Variants in CHLSN observed in about 807,000 individuals in gnomAD.
CHLSN encodes protein cholesin.
chr7:997,553 CG>C, the CHLSN span: 1 of 1,324,110 alleles, frequency 7.6e-7, no homozygotes, highest in South Asian at 1.7e-5. Flanking sequence ...CCCCCACCGC[CG>C]GAGGAGCTGC....
At chr7:1,054,226 G>A in the CHLSN span, among the ~76,000 whole-genome samples, 32 of 152,322 alleles carry the variant, frequency 2.1e-4, no homozygotes, top group African/African-American at 7.2e-4. Flanking sequence ...CACGCAAAGC[G>A]CGTCACCTTC....
At chr7:1,016,181 A>G in the CHLSN span, among the ~76,000 whole-genome samples, 1,602 of 52,062 alleles carry the variant, frequency 0.031, 226 homozygotes, top group African/African-American at 0.13. Flanking sequence ...ACACAGCAGC[A>G]CACGCCAGCA....
At chr7:1,123,851 A>G in the CHLSN span, among the ~76,000 whole-genome samples, 2 of 148,740 alleles carry the variant, frequency 1.3e-5, no homozygotes, top group African/African-American at 2.5e-5. This position sits in a 1 kb window ranked among gnomAD's most constrained non-coding sequence, Gnocchi z 4.4. Flanking sequence ...CGTGCTGCCG[A>G]CCCCTGCTGG....
the CHLSN span, among the ~76,000 whole-genome samples, chr7:1,007,576 G>A: frequency 2.0e-4 from 31 of 152,346 alleles, no homozygotes; most frequent in African/African-American, 6.5e-4. Flanking sequence ...AGACCCCCAG[G>A]AAAGAGGAGA....
chr7:1,031,057 C>T, the CHLSN span, among the ~76,000 whole-genome samples: 14 of 152,302 alleles, frequency 9.2e-5, no homozygotes, highest in Admixed American at 2.0e-4. Context: ...GGCCAGTGGT[C>T]CACACTGAGA....
chr7:1,060,812 G>T, the CHLSN span, among the ~76,000 whole-genome samples: 1 of 152,190 alleles, frequency 6.6e-6, no homozygotes, highest in South Asian at 2.1e-4. Context: ...TGGTGTAAGG[G>T]CCGCGTCTCT....
At chr7:1,088,578 T>C in the CHLSN span, among the ~76,000 whole-genome samples, 2 of 152,126 alleles carry the variant, frequency 1.3e-5, no homozygotes, top group East Asian at 3.9e-4. This position sits in a 1 kb window ranked among gnomAD's most constrained non-coding sequence, Gnocchi z 4.5. Flanking sequence ...CAGGACCCAG[T>C]ATTCCGTCAC....
chr7:1,054,471 C>G, the CHLSN span, among the ~76,000 whole-genome samples: 1 of 152,242 alleles, frequency 6.6e-6, no homozygotes, highest in African/African-American at 2.4e-5. Context: ...GCTGGGGTGA[C>G]AGCACGCACT....
the CHLSN span, chr7:1,044,682 G>A: frequency 6.6e-6 from 1 of 152,104 alleles, no homozygotes; most frequent in South Asian, 2.1e-4. Flanking sequence ...GGGAGCCTGG[G>A]TCGGGTCGGT....
At chr7:1,064,990 C>T in the CHLSN span, among the ~76,000 whole-genome samples, 1 of 152,264 alleles carries the variant, frequency 6.6e-6, no homozygotes, top group African/African-American at 2.4e-5. Flanking sequence ...ACAGCGTTCC[C>T]CGCTGTCCAA....
At chr7:1,114,596 G>T in the CHLSN span, among the ~76,000 whole-genome samples, 2 of 152,246 alleles carry the variant, frequency 1.3e-5, no homozygotes, top group Non-Finnish European at 2.9e-5. Context: ...CGTGATGGGC[G>T]CGGGGCCCAA....
chr7:1,063,878 C>T, the CHLSN span, among the ~76,000 whole-genome samples: 1 of 152,170 alleles, frequency 6.6e-6, no homozygotes, highest in African/African-American at 2.4e-5. Context: ...TGTTCTCTTT[C>T]CACAGAAGGG....
At chr7:1,066,256 C>T in the CHLSN span, among the ~76,000 whole-genome samples, 1 of 145,366 alleles carries the variant, frequency 6.9e-6, no homozygotes, top group Non-Finnish European at 1.6e-5. Context: ...GGAAAAATAC[C>T]GACAAACGCA....
At chr7:1,091,509 TGCAC>T in the CHLSN span, 1 of 528,010 alleles carries the variant, frequency 1.9e-6, no homozygotes, top group Non-Finnish European at 3.3e-6. Flanking sequence ...CCTCCACGGA[TGCAC>T]CATGCCGGTG....
chr7:1,060,980 C>T, the CHLSN span, among the ~76,000 whole-genome samples: 1 of 152,154 alleles, frequency 6.6e-6, no homozygotes, highest in Non-Finnish European at 1.5e-5. Flanking sequence ...GGTGTCCGTG[C>T]TTGAACCAGG....
At chr7:1,126,359 C>CAAAAAAAAAAA in the CHLSN span, among the ~76,000 whole-genome samples, 10 of 40,490 alleles carry the variant, frequency 2.5e-4, no homozygotes, top group South Asian at 1.4e-3. Context: ...GACTCTGTCT[C>CAAAAAAAAAAA]AAAAAAAAAA....
chr7:1,131,545 G>A, the CHLSN span, among the ~76,000 whole-genome samples: 1 of 152,250 alleles, frequency 6.6e-6, no homozygotes, highest in Non-Finnish European at 1.5e-5. Context: ...TTCTTTAATT[G>A]AGCCTTATCT....
the CHLSN span, among the ~76,000 whole-genome samples, chr7:1,068,976 G>A: frequency 6.6e-6 from 1 of 152,178 alleles, no homozygotes; most frequent in Non-Finnish European, 1.5e-5. Flanking sequence ...TAAATGGCTT[G>A]TTGTGACCGT....
the CHLSN span, among the ~76,000 whole-genome samples, chr7:1,048,257 C>G: frequency 9.9e-5 from 15 of 152,194 alleles, no homozygotes; most frequent in African/African-American, 3.6e-4. Context: ...GACTTGCCGG[C>G]CCCAGCTCTG....
Sources: gnomAD v4.1 joint callset for allele counts (sites outside exome capture counted in the v4.1 genomes callset) on GRCh38, gnomAD v4.1.1 for gene constraint, Gnocchi (gnomAD v3.1) non-coding constraint, MANE v1.5 for transcripts, NCBI Gene and HGNC (gene_info 2026-07-23, HGNC 2026-07-21) for gene names.